The following ARHGAP42 variants were observed in gnomAD, a reference collection of about 807,000 sequenced individuals.
ARHGAP42 encodes rho GTPase-activating protein 42.
ARHGAP42 carries 63 observed loss-of-function variants against 125.0 expected under a neutral mutation model. The observed-to-expected ratio is 0.50, with a 90% CI of 0.41 to 0.62. ARHGAP42 has a LOEUF of 0.62. Ranked by LOEUF, ARHGAP42 falls within the 20% of genes least tolerant of loss-of-function variation. ARHGAP42 has a pLI of 0.00. For synonymous variants in ARHGAP42, 339 were observed against 351.0 expected (o/e 0.97, Z 0.38); for missense variants, 766 against 1,024.2 (o/e 0.75, Z 3.44).
chr11:100,740,916 G>A (rs1862171033), intron 1 of ARHGAP42, among the ~76,000 whole-genome samples: 1 of 152,210 alleles, frequency 6.6e-6, no homozygotes, highest in South Asian at 2.1e-4. Flanking sequence ...CTGGAGAGGG[G>A]ACATGTGGCC....
At chr11:100,783,388 A>T (rs1863359001) in intron 2 of ARHGAP42, among the ~76,000 whole-genome samples, 1 of 152,238 alleles carries the variant, frequency 6.6e-6, no homozygotes, top group South Asian at 2.1e-4. Context: ...GTGAGCTGAG[A>T]TCACACCACT....
intron 6 of ARHGAP42, among the ~76,000 whole-genome samples, chr11:100,931,118 A>G (rs1360982012): frequency 1.3e-5 from 2 of 152,190 alleles, no homozygotes; most frequent in Non-Finnish European, 2.9e-5. Flanking sequence ...AATTTTGTGC[A>G]TGAAGCACAG....
chr11:100,802,568 G>A (rs1484873224), intron 3 of ARHGAP42, among the ~76,000 whole-genome samples: 2 of 151,882 alleles, frequency 1.3e-5, no homozygotes. Context: ...AGGACTACAG[G>A]CGCACGCCAC....
intron 4 of ARHGAP42, among the ~76,000 whole-genome samples, chr11:100,872,430 C>G (rs1313620422): frequency 6.6e-6 from 1 of 152,012 alleles, no homozygotes; most frequent in African/African-American, 2.4e-5. Context: ...GAATCTCGCT[C>G]TGTCACCTAG....
intron 3 of ARHGAP42, among the ~76,000 whole-genome samples, chr11:100,816,298 T>C (rs1465118822): frequency 1.3e-5 from 2 of 152,160 alleles, no homozygotes; most frequent in African/African-American, 2.4e-5. Flanking sequence ...TTTCTCTGCA[T>C]CCTCACTAAC....
At position 100,843,775 on chromosome 11, in the gene ARHGAP42, A is replaced by C. The variant is rs4754704; in HGVS notation, c.313-15779A>C. ...AAACACCTTTACAAGGAAAACTGCAAAAACTGCTGAAAGAAGTCATAGACA... is the reference window on the plus strand; with the variant it reads ...AAACACCTTTACAAGGAAAACTGCACAAACTGCTGAAAGAAGTCATAGACA... On this transcript the variant is annotated intron_variant, in intron 3 of 23. Coordinates refer to ENST00000298815, the MANE Select transcript of ARHGAP42 (RefSeq NM_152432.4). 9.7e-3 allele frequency among the ~76,000 whole-genome samples: 1,477 copies of C among 152,268 alleles called. 57 individuals carry two copies. Among genetic ancestry groups the C allele is most frequent in the Admixed American group, 0.061 (925 of 15,268 alleles).
intron 12 of ARHGAP42, among the ~76,000 whole-genome samples, chr11:100,950,773 T>A (rs1034611964): frequency 2.0e-5 from 3 of 152,216 alleles, no homozygotes; most frequent in Non-Finnish European, 4.4e-5. Flanking sequence ...TATATAACTT[T>A]GAAAGCAATT....
At chr11:100,827,385 G>T (rs1864545104) in intron 3 of ARHGAP42, among the ~76,000 whole-genome samples, 1 of 152,130 alleles carries the variant, frequency 6.6e-6, no homozygotes, top group Non-Finnish European at 1.5e-5. Flanking sequence ...CTAGTTGTGG[G>T]GTCATGGTAG....
At chr11:100,700,024 C>T (rs1861370603) in intron 1 of ARHGAP42, among the ~76,000 whole-genome samples, 3 of 152,114 alleles carry the variant, frequency 2.0e-5, no homozygotes, top group African/African-American at 7.2e-5. Flanking sequence ...CTATGTGTCT[C>T]TGTTTATTAT....
At chr11:100,718,319 A>G (rs756820550) in intron 1 of ARHGAP42, among the ~76,000 whole-genome samples, 2 of 152,246 alleles carry the variant, frequency 1.3e-5, no homozygotes, top group Admixed American at 6.5e-5. Flanking sequence ...CACTGGATCT[A>G]GCATCTGATA....
chr11:100,728,476 G>A (rs1861899433), intron 1 of ARHGAP42, among the ~76,000 whole-genome samples: 1 of 152,038 alleles, frequency 6.6e-6, no homozygotes, highest in Non-Finnish European at 1.5e-5. Context: ...TTTCAAGTTG[G>A]GGACTTCTGG....
intron 22 of ARHGAP42, among the ~76,000 whole-genome samples, chr11:100,981,505 G>A (rs553884395): frequency 6.6e-6 from 1 of 152,160 alleles, no homozygotes. Flanking sequence ...ACCAGTAGAG[G>A]CAGTAGGAAG....
At chr11:100,820,262 G>A (rs1017803511) in intron 3 of ARHGAP42, among the ~76,000 whole-genome samples, 6 of 151,982 alleles carry the variant, frequency 3.9e-5, no homozygotes, top group African/African-American at 1.4e-4. Flanking sequence ...CTGAAGTGGG[G>A]GTAGTTACCA....
intron 16 of ARHGAP42, among the ~76,000 whole-genome samples, chr11:100,962,931 T>C (rs17726649): frequency 6.6e-6 from 1 of 152,128 alleles, no homozygotes; most frequent in African/African-American, 2.4e-5. Context: ...TTATAATGTG[T>C]TTTAGAAGCC....
chr11:100,699,067 A>G (rs900580440), intron 1 of ARHGAP42, among the ~76,000 whole-genome samples: 4 of 150,944 alleles, frequency 2.6e-5, no homozygotes, highest in African/African-American at 9.8e-5. Context: ...CAGCCCTTTC[A>G]CTGTTTGCTT....
intron 1 of ARHGAP42, among the ~76,000 whole-genome samples, chr11:100,728,713 C>CATATATATATATATAT (rs1861903204): frequency 1.0e-5 from 1 of 95,312 alleles, no homozygotes; most frequent in Non-Finnish European, 2.1e-5. Context: ...AATGACTTTG[C>CATATATATATATATAT]GTATATATAT....
intron 1 of ARHGAP42, among the ~76,000 whole-genome samples, chr11:100,711,623 G>C (rs951757444): frequency 1.3e-5 from 2 of 152,226 alleles, no homozygotes; most frequent in Non-Finnish European, 2.9e-5. Flanking sequence ...CTCCCAAATT[G>C]TTGGGATTAC....
chr11:100,954,470 T>G (rs1857749611), intron 12 of ARHGAP42, among the ~76,000 whole-genome samples: 1 of 152,136 alleles, frequency 6.6e-6, no homozygotes. Flanking sequence ...AAATTTCTGC[T>G]TGTGTGTTTA....
In ARHGAP42 at chr11:100,878,729, C is replaced by T. The variant is rs116627265; in HGVS notation, c.384+19104C>T. ...GTCAGTGGCAAGAGCATCCTCTCCC[C>T]GCCAAATTATATTATGTTTTCATTT... On this transcript the variant is annotated intron_variant, in intron 4 of 23. Coordinates refer to ENST00000298815, the MANE Select transcript of ARHGAP42 (RefSeq NM_152432.4). Among the ~76,000 whole-genome samples the T allele has an allele frequency of 5.6e-3, 850 of 152,174 alleles. 12 individuals are homozygous for T. The highest frequency in any genetic ancestry group is 0.019 in the African/African-American group (807 of 41,520).
Sources: gnomAD v4.1 joint callset for allele counts (sites outside exome capture counted in the v4.1 genomes callset) on GRCh38, gnomAD v4.1.1 for gene constraint, MANE v1.5 for transcripts, NCBI Gene and HGNC (gene_info 2026-07-23, HGNC 2026-07-21) for gene names.